The following MEIS1 variants were observed in gnomAD, a reference collection of about 807,000 sequenced individuals.
MEIS1 encodes the protein Meis homeobox 1.
MEIS1 carries 5 observed loss-of-function variants against 50.8 expected under a neutral mutation model. The ratio of observed to expected loss-of-function variants is 0.10; its 90% confidence interval spans 0.05 to 0.21. The LOEUF is 0.21. MEIS1 is among the 10% of genes least tolerant of loss of function. The pLI is 1.00. For synonymous variants in MEIS1, 176 were observed against 179.3 expected (o/e 0.98, Z 0.15); for missense variants, 318 against 517.3 (o/e 0.61, Z 3.74).
chr2:66,533,017 T>C (rs1415643822), intron 8 of MEIS1, among the ~76,000 whole-genome samples: 6 of 152,340 alleles, frequency 3.9e-5, no homozygotes, highest in East Asian at 1.9e-4. Flanking sequence ...TGTGCTAGAA[T>C]TGAAATAATT....
At chr2:66,527,452 C>T (rs1180764747) in intron 8 of MEIS1, among the ~76,000 whole-genome samples, 1 of 152,160 alleles carries the variant, frequency 6.6e-6, no homozygotes, top group Non-Finnish European at 1.5e-5. Context: ...ATAGCCTCAT[C>T]AGAGTCATGC....
At chr2:66,547,614 G>T (rs899041179) in intron 8 of MEIS1, among the ~76,000 whole-genome samples, 1 of 152,110 alleles carries the variant, frequency 6.6e-6, no homozygotes, top group African/African-American at 2.4e-5. Context: ...CTTTTAGGTG[G>T]TAACAAATGG....
intron 8 of MEIS1, among the ~76,000 whole-genome samples, chr2:66,525,357 AG>A (rs1674224728): frequency 6.6e-6 from 1 of 152,316 alleles, no homozygotes; most frequent in African/African-American, 2.4e-5. Context: ...ATTTTCAGCA[AG>A]CTCCTATTGC....
chr2:66,491,291 G>A (rs72895152), intron 7 of MEIS1, among the ~76,000 whole-genome samples: 8,890 of 152,284 alleles, frequency 0.058, 856 homozygotes, highest in African/African-American at 0.2. Context: ...CCCTTTGGCT[G>A]TATTTGGTTT....
chr2:66,527,329 G>T (rs1674276849), intron 8 of MEIS1, among the ~76,000 whole-genome samples: 1 of 152,078 alleles, frequency 6.6e-6, no homozygotes, highest in African/African-American at 2.4e-5. Context: ...TCAACTTCCT[G>T]GAGCTTACCA....
intron 9 of MEIS1, among the ~76,000 whole-genome samples, chr2:66,561,855 C>A (rs1675221105): frequency 6.6e-6 from 1 of 152,032 alleles, no homozygotes; most frequent in Non-Finnish European, 1.5e-5. Context: ...GAAGCAGAGC[C>A]ATGTCATTGT....
intron 9 of MEIS1, 54 bp from the exon 10 acceptor site, chr2:66,567,399 A>G: frequency 6.4e-7 from 1 of 1,564,932 alleles, no homozygotes; most frequent in Non-Finnish European, 8.7e-7. Flanking sequence ...CTCTTCCTCA[A>G]CCCCCCCTTT....
chr2:66,567,507 A>T lies in MEIS1; in HGVS notation c.1020A>T (p.Arg340=), dbSNP rs565578771. 8 of 1,613,922 alleles carry T rather than the reference A, an allele frequency of 5.0e-6. No homozygotes were observed. The East Asian group carries it at 1.8e-4, about 36-fold the overall frequency. The change falls in exon 10 of 13, where the codon CGA becomes CGT. Residue 340 remains arginine, a synonymous_variant. Transcript: ENST00000272369. ...IVQPMIDQSN[R]AVSQGTPYNP... is the part of the protein sequence containing the mutation. Reference sequence around the variant, plus strand: ...AGCCCATGATAGACCAGTCCAACCGAGCAGGCAAGTCCCCCATAGTGACTG... The same window carrying T: ...AGCCCATGATAGACCAGTCCAACCGTGCAGGCAAGTCCCCCATAGTGACTG...
chr2:66,571,163 T>C, intron 12 of MEIS1, 83 bp from the exon 13 acceptor site: 1 of 1,397,020 alleles, frequency 7.2e-7, no homozygotes, highest in Non-Finnish European at 9.7e-7. Flanking sequence ...TCTCTGGCTT[T>C]TATAGGATTG....
chr2:66,447,085 G>A (rs529135843), intron 6 of MEIS1, among the ~76,000 whole-genome samples: 17 of 152,200 alleles, frequency 1.1e-4, no homozygotes, highest in African/African-American at 3.9e-4. Context: ...AGGCAGGGAG[G>A]GCAAGAAACA....
At chr2:66,503,933 G>A (rs34208118) in intron 7 of MEIS1, among the ~76,000 whole-genome samples, 1 of 151,830 alleles carries the variant, frequency 6.6e-6, no homozygotes, top group African/African-American at 2.4e-5. Context: ...TTTTGGTAGA[G>A]ACGGTGTTTC....
intron 8 of MEIS1, among the ~76,000 whole-genome samples, chr2:66,546,519 T>C (rs962817577): frequency 1.1e-4 from 16 of 152,176 alleles, no homozygotes; most frequent in Admixed American, 9.8e-4. Context: ...GCAGGAAATA[T>C]CACTGACTTA....
Position 66,564,082 on chromosome 2 carries a change from G to T in MEIS1, c.966-3371G>T, listed in dbSNP as rs576290540. The stretch of plus-strand genomic sequence containing the variant: ...ATTACTACATCCTATATGTACTAAT[G>T]ATATTTCATTATATTGAATTTTTTA... On this transcript the variant is annotated intron_variant, in intron 9 of 12. Transcript: ENST00000272369. 2.0e-5 allele frequency among the ~76,000 whole-genome samples: 3 copies of T among 152,222 alleles called. No homozygotes were observed. The East Asian group carries it at 5.8e-4, about 29-fold the overall frequency.
At chr2:66,568,615 T>G in intron 10 of MEIS1, 52 bp from the exon 11 acceptor site, 3 of 1,365,826 alleles carry the variant, frequency 2.2e-6, no homozygotes, top group Non-Finnish European at 3.1e-6. Flanking sequence ...TTGGGCTATT[T>G]CTTTTGCTCT....
chr2:66,520,949 A>G (rs556534125), intron 8 of MEIS1, among the ~76,000 whole-genome samples: 1 of 152,358 alleles, frequency 6.6e-6, no homozygotes, highest in Non-Finnish European at 1.5e-5. Flanking sequence ...GAGTTCAAAG[A>G]TATAATTATA....
chr2:66,484,094 T>C (rs1373023535), intron 7 of MEIS1, among the ~76,000 whole-genome samples: 3 of 152,214 alleles, frequency 2.0e-5, no homozygotes, highest in African/African-American at 7.2e-5. Context: ...TTTGTGACAA[T>C]TGCAGTTGGT....
intron 7 of MEIS1, among the ~76,000 whole-genome samples, chr2:66,506,255 C>T (rs1673681787): frequency 6.6e-6 from 1 of 152,120 alleles, no homozygotes; most frequent in Non-Finnish European, 1.5e-5. Flanking sequence ...ATTGGTGTGT[C>T]ACTAAATCAG....
intron 9 of MEIS1, among the ~76,000 whole-genome samples, chr2:66,561,129 A>G (rs2300483): frequency 0.51 from 77,425 of 151,944 alleles, 20,143 homozygotes; most frequent in Middle Eastern, 0.56. Flanking sequence ...GAAAAATTTC[A>G]GAGTGATTTT....
rs774632396 is a variant in MEIS1, at chr2:66,560,589, A to G, written c.966-6864A>G. ...ACAGAGTGAGACTCTGTCTCAAAAA[A>G]AAAAAAAAGAAAGAAAAGAAAAGAA... is the stretch of plus-strand genomic sequence containing the variant. On this transcript the variant is annotated intron_variant, in intron 9 of 12. Coordinates refer to ENST00000272369, the MANE Select transcript of MEIS1 (RefSeq NM_002398.3). Among the ~76,000 whole-genome samples the G allele has an allele frequency of 4.6e-5, 7 of 151,976 alleles. 1 individual carries two copies. The Middle Eastern group carries it at 0.01, about 223-fold the overall frequency.
Sources: allele counts gnomAD v4.1 joint callset (sites outside exome capture counted in the v4.1 genomes callset), GRCh38; gene constraint gnomAD v4.1.1; transcripts MANE v1.5; gene names NCBI Gene and HGNC (gene_info 2026-07-23, HGNC 2026-07-21).